C1orf167: variants seen among roughly 807,000 people sequenced by gnomAD.
C1orf167 encodes the protein chromosome 1 open reading frame 167.
Under a neutral mutation model 176.5 loss-of-function variants are expected in C1orf167, and 153 were observed. That is an observed-to-expected ratio of 0.87 (90% CI 0.76 to 0.99). The LOEUF is 0.99. Ranked by LOEUF, C1orf167 falls within the 50% of genes least tolerant of loss-of-function variation. C1orf167 has a pLI of 0.00. For missense variants in C1orf167, 1,490 were observed against 1,817.7 expected, an observed-to-expected ratio of 0.82 and a Z score of 3.28; for synonymous variants, 594 against 752.7, an observed-to-expected ratio of 0.79 and a Z score of 3.45.
chr1:11,787,267 G>A (rs1320089903), intron 16 of C1orf167, 121 bp from the exon 17 acceptor site: 3 of 373,022 alleles, frequency 8.0e-6, no homozygotes, highest in East Asian at 1.2e-4. Flanking sequence ...AGCCACATGG[G>A]GGAATGGGTG....
chr1:11,784,636 G>C (rs970275503), intron 15 of C1orf167, 43 bp downstream of exon 15: 10 of 1,201,680 alleles, frequency 8.3e-6, no homozygotes, highest in Non-Finnish European at 1.1e-5. Flanking sequence ...TGTGCTTCCA[G>C]CTCAGGCCTC....
chr1:11,770,970 ATT>A (rs1394770655), intron 6 of C1orf167, among the ~76,000 whole-genome samples: 325 of 27,584 alleles, frequency 0.012, 6 homozygotes, highest in African/African-American at 0.022. Flanking sequence ...ACACTGGCTA[ATT>A]TGTGTGTGTG....
rs1557726771 is a variant in C1orf167 at position 11,771,047 on chromosome 1, G to GTA, written c.1698-476_1698-475insAT. On this transcript the variant is annotated intron_variant, in intron 6 of 20. Coordinates refer to ENST00000688073, the MANE Select transcript of C1orf167 (RefSeq NM_001010881.2). ...TGTGTGTGTATGTGTGTGTGTGTGT[G>GTA]TGTATATATATATATATATATATTT... Among the ~76,000 whole-genome samples, 87 of 33,572 alleles carry GTA rather than the reference G, an allele frequency of 2.6e-3. 1 individual carries two copies. Among genetic ancestry groups the GTA allele is most frequent in the African/African-American group, 7.8e-3 (86 of 11,094 alleles). 22.0% of individuals were successfully genotyped at this position (33,572 alleles called of 152,430 possible).
chr1:11,784,334 G>A lies in C1orf167; in HGVS notation c.3166G>A (p.Ala1056Thr). 4 of 1,303,874 alleles carry A rather than the reference G, an allele frequency of 3.1e-6. No homozygotes were observed. The highest frequency in any genetic ancestry group is 4.0e-6 in the Non-Finnish European group (4 of 988,790). The allele number at this position is 1,303,874 out of a possible 1,614,324, so 80.8% of individuals were successfully genotyped here. A position where few individuals can be genotyped will look rare whatever the true frequency, so the allele number is the denominator to read the frequency against. ...VAAGAQEQRVAQASLARWRSC... is the reference protein window; with the variant it reads ...VAAGAQEQRVTQASLARWRSC... ...AGCCGGGGCACAGGAGCAGCGTGTG[G>A]CCCAGGCCTCCCTTGCCCGCTGGAG... The change falls in exon 15 of 21, where the codon GCC becomes ACC. Residue 1056 changes from alanine to threonine, a missense_variant. Coordinates refer to ENST00000688073, the MANE Select transcript of C1orf167 (RefSeq NM_001010881.2).
rs557566068 is a variant in C1orf167, at chr1:11,764,077, G to A, written c.-70-254G>A. 1.6e-3 allele frequency among the ~76,000 whole-genome samples: 239 copies of A among 152,224 alleles called. No individual in the cohort carries two copies. The Middle Eastern group carries it at 0.017, about 11-fold the overall frequency. On this transcript the variant is annotated intron_variant, in intron 1 of 20. Coordinates refer to ENST00000688073, the MANE Select transcript of C1orf167 (RefSeq NM_001010881.2). ...GGAGGTCGCTGGACCTGCATGTTCAGACCTGTATGCAGATCAGCCGAGAGG... is the reference window on the plus strand; with the variant it reads ...GGAGGTCGCTGGACCTGCATGTTCAAACCTGTATGCAGATCAGCCGAGAGG...
At chr1:11,788,516 A>G in intron 19 of C1orf167, 136 bp from the exon 20 acceptor site, 1 of 1,104,378 alleles carries the variant, frequency 9.1e-7, no homozygotes, top group Non-Finnish European at 1.2e-6. Flanking sequence ...CTGCATTCTT[A>G]ATACTCCTCA....
intron 20 of C1orf167, 45 bp downstream of exon 20, chr1:11,788,791 A>C (rs1643985924): frequency 7.7e-7 from 1 of 1,294,528 alleles, no homozygotes; most frequent in Admixed American, 2.3e-5. Context: ...CATTCCACTC[A>C]GCCAGCCTTC....
Position 11,768,217 on chromosome 1 carries a change from A to G in C1orf167, c.1484A>G (p.Gln495Arg), listed in dbSNP as rs1357225026. The G allele has an allele frequency of 7.8e-7, 1 of 1,289,788 alleles. No individual in the cohort carries two copies. The highest frequency in any genetic ancestry group is 1.0e-6 in the Non-Finnish European group (1 of 988,770). 79.9% of individuals were successfully genotyped at this position (1,289,788 alleles called of 1,614,324 possible). ...CAGGCCTTGTGGCTCCGGGAGGCTC[A>G]GCTGGAGGCAGCATGGGGGCAGTAC... ...CLQALWLREA[Q>R]LEAAWGQYTK... Residue 495 changes from glutamine (Q) to arginine (R), a missense_variant, in exon 5 of 21, where the codon CAG (glutamine) becomes CGG (arginine). Coordinates refer to ENST00000688073, the MANE Select transcript of C1orf167 (RefSeq NM_001010881.2). The surrounding 1 kb of genome is among the most constrained non-coding windows in gnomAD (Gnocchi z 4.5).
In C1orf167 at chr1:11,784,238, T is replaced by C. The variant is rs1189873304; in HGVS notation, c.3070T>C (p.Phe1024Leu). 2 of 1,294,416 alleles carry C rather than the reference T, an allele frequency of 1.5e-6. No homozygotes were observed. Among genetic ancestry groups the C allele is most frequent in the East Asian group, 5.6e-5 (1 of 17,894 alleles). 80.2% of individuals were successfully genotyped at this position (1,294,416 alleles called of 1,614,324 possible). Residue 1024 changes from phenylalanine to leucine, a missense_variant, in exon 15 of 21, where the codon TTT (phenylalanine) becomes CTT (leucine). Phe to Leu is a conservative substitution (Grantham distance 22, BLOSUM62 0). Transcript: ENST00000688073. ...TGVLRAQHQAFQDGLRRRALG... is the reference protein window; with the variant it reads ...TGVLRAQHQALQDGLRRRALG... ...GGTGCTCCGGGCCCAGCATCAAGCC[T>C]TTCAGGATGGCCTGAGGAGAAGAGC... is the stretch of plus-strand genomic sequence containing the variant.
intron 6 of C1orf167, 120 bp from the exon 7 acceptor site, chr1:11,771,404 G>T (rs1301800067): frequency 3.3e-5 from 14 of 424,440 alleles, no homozygotes; most frequent in South Asian, 2.0e-4. Flanking sequence ...AGGGTAGGGG[G>T]ACTCAGCGCC....
At chr1:11,780,481 G>C (rs963287947) in intron 13 of C1orf167, among the ~76,000 whole-genome samples, 2 of 152,216 alleles carry the variant, frequency 1.3e-5, no homozygotes, top group Non-Finnish European at 2.9e-5. Flanking sequence ...TCAGGTGGCA[G>C]AGCAGAACCT....
chr1:11,788,178 A>G lies in C1orf167; in HGVS notation c.3878A>G (p.Gln1293Arg), dbSNP rs1182181357. The G allele has an allele frequency of 7.7e-7, 1 of 1,291,294 alleles. No homozygotes were observed. Among genetic ancestry groups the G allele is most frequent in the African/African-American group, 1.5e-5 (1 of 65,764 alleles). 80.0% of individuals were successfully genotyped at this position (1,291,294 alleles called of 1,614,324 possible). ...RARSCRILEK[Q>R]AQAHGSALLL... is the part of the protein sequence containing the mutation. ...CGTTCCTGCAGGATCCTGGAAAAGC[A>G]GGCCCAGGCCCATGGCTCTGCCCTC... is the stretch of plus-strand genomic sequence containing the variant. The change falls in exon 19 of 21, where the codon CAG becomes CGG. Residue 1293 changes from glutamine to arginine, a missense_variant. Coordinates refer to ENST00000688073, the MANE Select transcript of C1orf167 (RefSeq NM_001010881.2).
At chr1:11,787,522 C>T (rs886045177) in intron 17 of C1orf167, 29 bp downstream of exon 17, 19 of 1,275,700 alleles carry the variant, frequency 1.5e-5, no homozygotes, top group Non-Finnish European at 2.0e-5. Context: ...GGGGGACAAA[C>T]GGTGTCTGAA....
chr1:11,782,054 G>C (rs1317130417), intron 13 of C1orf167, 135 bp from the exon 14 acceptor site: 2 of 730,392 alleles, frequency 2.7e-6, no homozygotes, highest in Admixed American at 5.4e-5. Context: ...CATAATAGAG[G>C]CTTTTTAACC....
rs1255060072 is a variant in C1orf167 at position 11,782,354 on chromosome 1, G to C, written c.3005+21G>C. On this transcript the variant is annotated intron_variant, in intron 14 of 20. Transcript: ENST00000688073. ...CAGAGGTGGGTGGGCCTGGGGGTGG[G>C]AGGGTGTTGGTCCTCCCCACGCAAG... 3 of 908,404 alleles carry C rather than the reference G, an allele frequency of 3.3e-6. No individual in the cohort carries two copies. In the African/African-American group the frequency reaches 5.3e-5, roughly 16 times the overall value. 56.3% of individuals were successfully genotyped at this position (908,404 alleles called of 1,614,324 possible).
chr1:11,764,421 C>T lies in C1orf167; in HGVS notation c.21C>T (p.Ala7=), dbSNP rs1290525853. 3 of 1,289,282 alleles carry T rather than the reference C, an allele frequency of 2.3e-6. No individual in the cohort carries two copies. The highest frequency in any genetic ancestry group is 1.5e-5 in the African/African-American group (1 of 65,848). 79.9% of individuals were successfully genotyped at this position (1,289,282 alleles called of 1,614,324 possible). MELRSD[A]SHKENVSPKP... The stretch of plus-strand genomic sequence containing the variant: ...AGCCCATGGAGCTAAGGTCTGATGC[C>T]AGCCACAAGGAGAATGTGTCCCCAA... The change falls in exon 2 of 21, where the codon GCC becomes GCT. Residue 7 remains alanine, a synonymous_variant. Coordinates refer to ENST00000688073, the MANE Select transcript of C1orf167 (RefSeq NM_001010881.2).
At chr1:11,785,010 A>T in intron 15 of C1orf167, 138 bp from the exon 16 acceptor site, 1 of 748,578 alleles carries the variant, frequency 1.3e-6, no homozygotes, top group Non-Finnish European at 1.8e-6. Context: ...TCCCTCCAGA[A>T]AAGGGAGTGT....
At chr1:11,779,206 C>T in intron 12 of C1orf167, 126 bp downstream of exon 12, 1 of 931,882 alleles carries the variant, frequency 1.1e-6, no homozygotes, top group Non-Finnish European at 1.4e-6. Flanking sequence ...GCTTCAGTTC[C>T]TCCTGTCTTC....
Position 11,785,188 on chromosome 1 carries a change from G to A in C1orf167, c.3466G>A (p.Val1156Ile), listed in dbSNP as rs1469237270. The A allele has an allele frequency of 6.1e-5, 79 of 1,291,534 alleles. No individual in the cohort carries two copies. The highest frequency in any genetic ancestry group is 7.7e-5 in the Non-Finnish European group (76 of 988,776). 80.0% of individuals were successfully genotyped at this position (1,291,534 alleles called of 1,614,324 possible). The change falls in exon 16 of 21, where the codon GTC becomes ATC. Residue 1156 changes from valine (V) to isoleucine (I), a missense_variant. By Grantham distance (29) the Val-to-Ile change is conservative. Transcript: ENST00000688073. ...GGTGCAGTCGGCGGTGCGCGGCGGTGTCCAGCGAGCCATCCTCACCCAGCT... is the reference window on the plus strand; with the variant it reads ...GGTGCAGTCGGCGGTGCGCGGCGGTATCCAGCGAGCCATCCTCACCCAGCT... Reference protein sequence around the residue: ...ASVQSAVRGGVQRAILTQLRP... With the variant: ...ASVQSAVRGGIQRAILTQLRP...
Sources: allele counts gnomAD v4.1 joint callset (sites outside exome capture counted in the v4.1 genomes callset), GRCh38; gene constraint gnomAD v4.1.1; non-coding constraint Gnocchi (gnomAD v3.1); transcripts MANE v1.5; gene names NCBI Gene and HGNC (gene_info 2026-07-23, HGNC 2026-07-21).